Variants in ERCC8 observed in about 807,000 individuals in gnomAD.
ERCC8 encodes the protein DNA excision repair protein ERCC-8.
Under a neutral mutation model 54.9 loss-of-function variants are expected in ERCC8, and 52 were observed. That is an observed-to-expected ratio of 0.95 (90% CI 0.76 to 1.19). The LOEUF is 1.19. Among genes scored for constraint, ERCC8 ranks in the 50% most tolerant of loss-of-function variants. ERCC8 has a pLI of 0.00. For synonymous variants in ERCC8, 146 were observed against 157.2 expected, an observed-to-expected ratio of 0.93 and a Z score of 0.53; for missense variants, 514 against 466.1, an observed-to-expected ratio of 1.10 and a Z score of -0.95.
At chr5:60,942,727 A>C (rs1181917450) in intron 1 of ERCC8, among the ~76,000 whole-genome samples, 1 of 152,198 alleles carries the variant, frequency 6.6e-6, no homozygotes, top group Non-Finnish European at 1.5e-5. Flanking sequence ...TAATGGTTTC[A>C]AAAGTAAATA....
chr5:60,914,153 C>G (rs1749355905), intron 4 of ERCC8, among the ~76,000 whole-genome samples: 1 of 151,956 alleles, frequency 6.6e-6, no homozygotes, highest in South Asian at 2.1e-4. Context: ...CCTTGTTAAC[C>G]TTCAGTCTCA....
Position 60,866,903 on chromosome 5 carries a change from G to C in ERCC8, c.*7712C>G, listed in dbSNP as rs542046887. On this transcript the variant is annotated 3_prime_UTR_variant, in exon 12 of 12. Transcript: ENST00000676185. Reference sequence around the variant, plus strand: ...TCTCTTGTCCAGGCCGGAGTGCAGTGGCGCAATCTCGGCTTACTGCAAGCG... The same window carrying C: ...TCTCTTGTCCAGGCCGGAGTGCAGTCGCGCAATCTCGGCTTACTGCAAGCG... 2.0e-4 allele frequency: 31 copies of C among 152,092 alleles called. 2 individuals are homozygous for C. The East Asian group carries it at 2.3e-3, about 11-fold the overall frequency. 9.4% of individuals were successfully genotyped at this position (152,092 alleles called of 1,614,324 possible). A position where few individuals can be genotyped will look rare whatever the true frequency, so the allele number is the denominator to read the frequency against.
intron 11 of ERCC8, among the ~76,000 whole-genome samples, chr5:60,880,185 A>G (rs1748163098): frequency 6.6e-6 from 1 of 152,282 alleles, no homozygotes; most frequent in African/African-American, 2.4e-5. Context: ...AGAATGTTGA[A>G]TATTGGCCCC....
rs753800719 is a variant in ERCC8, at chr5:60,868,577, A to T, written c.*6038T>A. 1.3e-5 allele frequency among the ~76,000 whole-genome samples: 2 copies of T among 152,340 alleles called. No individual in the cohort carries two copies. The highest frequency in any genetic ancestry group is 3.4e-3 in the Middle Eastern group (1 of 294). Reference sequence around the variant, plus strand: ...ATTACTTTTAATAAAAACAAAAAACAAGAAGCCACATGGCAGCAAAAGAAG... The same window carrying T: ...ATTACTTTTAATAAAAACAAAAAACTAGAAGCCACATGGCAGCAAAAGAAG... On this transcript the variant is annotated 3_prime_UTR_variant, in exon 12 of 12. Transcript: ENST00000676185.
rs1250059636 is a variant in ERCC8, at chr5:60,867,318, G to A, written c.*7297C>T. ...CACTCAGGGTGGAGTGCAGTGGGGC[G>A]ATCTCGGCTCACTGCAACCTCCGCC... On this transcript the variant is annotated 3_prime_UTR_variant, in exon 12 of 12. Coordinates refer to ENST00000676185, the MANE Select transcript of ERCC8 (RefSeq NM_000082.4). Among the ~76,000 whole-genome samples, 5 of 150,938 alleles carry A rather than the reference G, an allele frequency of 3.3e-5. No individual in the cohort carries two copies. Among genetic ancestry groups the A allele is most frequent in the Non-Finnish European group, 7.4e-5 (5 of 67,736 alleles).
chr5:60,925,552 C>G (rs906927286), intron 2 of ERCC8, among the ~76,000 whole-genome samples: 1 of 152,216 alleles, frequency 6.6e-6, no homozygotes, highest in Non-Finnish European at 1.5e-5. Context: ...AAGTTTTCAA[C>G]CAACCTGTTG....
chr5:60,944,303 C>T (rs1459462304), intron 1 of ERCC8, among the ~76,000 whole-genome samples: 1 of 152,048 alleles, frequency 6.6e-6, no homozygotes, highest in Admixed American at 6.5e-5. Context: ...GTAATCACAA[C>T]AGTTACCTAA....
At chr5:60,906,683 C>T (rs1426565108) in intron 4 of ERCC8, among the ~76,000 whole-genome samples, 3 of 151,962 alleles carry the variant, frequency 2.0e-5, no homozygotes, top group Non-Finnish European at 4.4e-5. Flanking sequence ...GAGCTAAGAT[C>T]ACGCCACTAC....
Position 60,868,785 on chromosome 5 carries a change from C to T in ERCC8, c.*5830G>A, listed in dbSNP as rs1028170957. On this transcript the variant is annotated 3_prime_UTR_variant, in exon 12 of 12. Transcript: ENST00000676185. ...AGAAAAAATGTTTATGATTAAACTT[C>T]GTTAGTTTTCTTCCCTGAATTTAAT... 1.3e-5 allele frequency among the ~76,000 whole-genome samples: 2 copies of T among 152,106 alleles called. No homozygotes were observed. The highest frequency in any genetic ancestry group is 2.1e-4 in the South Asian group (1 of 4,824).
At chr5:60,903,776 A>G in intron 5 of ERCC8, 60 bp from the exon 6 acceptor site, 2 of 1,509,000 alleles carry the variant, frequency 1.3e-6, no homozygotes, top group Non-Finnish European at 9.2e-7. Flanking sequence ...AAAGGAAACA[A>G]GACATTATCA....
intron 11 of ERCC8, among the ~76,000 whole-genome samples, chr5:60,886,881 T>A (rs4647133): frequency 0.063 from 9,644 of 152,094 alleles, 1,013 homozygotes; most frequent in African/African-American, 0.22. Context: ...TTTACAATAA[T>A]CAACAGAAAT....
At chr5:60,915,603 T>C (rs934675814) in intron 4 of ERCC8, among the ~76,000 whole-genome samples, 3 of 152,002 alleles carry the variant, frequency 2.0e-5, no homozygotes, top group African/African-American at 4.8e-5. Flanking sequence ...TGCATTCCTT[T>C]TTGGAGGCTC....
At chr5:60,927,116 G>A (rs1181517586) in intron 2 of ERCC8, among the ~76,000 whole-genome samples, 2 of 152,266 alleles carry the variant, frequency 1.3e-5, no homozygotes, top group East Asian at 1.9e-4. Flanking sequence ...AGAGTGATAC[G>A]CAAATGCACC....
intron 11 of ERCC8, among the ~76,000 whole-genome samples, chr5:60,880,335 T>C (rs1490395048): frequency 6.6e-6 from 1 of 152,186 alleles, no homozygotes; most frequent in African/African-American, 2.4e-5. Flanking sequence ...AATCTGACAA[T>C]TATGTGTCTT....
chr5:60,889,429 C>A (rs531664454), intron 10 of ERCC8, among the ~76,000 whole-genome samples: 2 of 152,332 alleles, frequency 1.3e-5, no homozygotes, highest in East Asian at 3.9e-4. Context: ...CTTCAGCCTC[C>A]TGCACAGCTG....
At position 60,874,677 on chromosome 5, in the gene ERCC8, T is replaced by C. The variant is rs879255338; in HGVS notation, c.1129A>G (p.Thr377Ala). ...AAGGCCGGATTTAATTGTGATTTTG[T>C]TGTAGTCTAAAAAAAAAAAAGATAA... Reference protein sequence around the residue: ...EPVPDDDETTTKSQLNPAFED... With the variant: ...EPVPDDDETTAKSQLNPAFED... The change falls in exon 12 of 12, where the codon ACA becomes GCA. Residue 377 changes from threonine (T) to alanine (A), a missense_variant. By Grantham distance (58) the Thr-to-Ala change is moderately conservative. Coordinates refer to ENST00000676185, the MANE Select transcript of ERCC8 (RefSeq NM_000082.4). 1 of 1,605,012 alleles carries C rather than the reference T, an allele frequency of 6.2e-7. No individual in the cohort carries two copies. Among genetic ancestry groups the C allele is most frequent in the Non-Finnish European group, 8.5e-7 (1 of 1,177,654 alleles).
intron 1 of ERCC8, among the ~76,000 whole-genome samples, chr5:60,931,928 A>T (rs1396711895): frequency 3.3e-5 from 5 of 151,976 alleles, no homozygotes; most frequent in Non-Finnish European, 7.4e-5. Context: ...GTATGTAACC[A>T]ATCTCCCATC....
chr5:60,900,366 T>C (rs1748840063), intron 7 of ERCC8, among the ~76,000 whole-genome samples: 1 of 152,024 alleles, frequency 6.6e-6, no homozygotes, highest in Admixed American at 6.6e-5. Context: ...TATTTCAGCT[T>C]CTAGATTATT....
chr5:60,919,361 T>A (rs969658750), intron 3 of ERCC8: 5 of 151,938 alleles, frequency 3.3e-5, no homozygotes, highest in African/African-American at 1.2e-4. Flanking sequence ...TTGTATATGT[T>A]TGAAATTTCC....
Sources: allele counts gnomAD v4.1 joint callset (sites outside exome capture counted in the v4.1 genomes callset), GRCh38; gene constraint gnomAD v4.1.1; transcripts MANE v1.5; gene names NCBI Gene and HGNC (gene_info 2026-07-23, HGNC 2026-07-21).